The following NKAIN3 variants were observed in gnomAD, a reference collection of about 807,000 sequenced individuals.
NKAIN3 encodes the protein sodium/potassium transporting ATPase interacting 3, also known as sodium/potassium-transporting ATPase subunit beta-1-interacting protein 3.
Under a neutral mutation model 30.2 loss-of-function variants are expected in NKAIN3, and 25 were observed. The ratio of observed to expected loss-of-function variants is 0.83; its 90% CI spans 0.60 to 1.16. The LOEUF (loss-of-function observed/expected upper bound fraction) is 1.16. Ranked by LOEUF, NKAIN3 falls within the 50% of genes most tolerant of loss-of-function variation. The pLI, the probability that NKAIN3 is intolerant of heterozygous loss-of-function variation, is 0.00. For missense variants in NKAIN3, 225 were observed against 254.1 expected (o/e 0.89, Z 0.78); for synonymous variants, 91 against 89.6 (o/e 1.02, Z -0.09).
chr8:62,941,022 A>C (rs1822941573), intron 5 of NKAIN3, among the ~76,000 whole-genome samples: 1 of 152,092 alleles, frequency 6.6e-6, no homozygotes, highest in African/African-American at 2.4e-5. Flanking sequence ...AATATTAACC[A>C]AGAAAAGAGA....
chr8:62,614,692 T>C (rs1811395318), intron 3 of NKAIN3, among the ~76,000 whole-genome samples: 1 of 152,180 alleles, frequency 6.6e-6, no homozygotes, highest in Admixed American at 6.5e-5. Context: ...TATTGTATTG[T>C]GGCTGAGCTG....
At chr8:62,509,875 G>T (rs1425282995) in intron 1 of NKAIN3, among the ~76,000 whole-genome samples, 3 of 152,084 alleles carry the variant, frequency 2.0e-5, no homozygotes, top group Non-Finnish European at 4.4e-5. Context: ...TCTATTAGGT[G>T]CAGGGAAATA....
chr8:62,343,370 T>C (rs908198896), intron 1 of NKAIN3, among the ~76,000 whole-genome samples: 2 of 152,066 alleles, frequency 1.3e-5, no homozygotes, highest in Admixed American at 6.6e-5. Context: ...ATTATTATTT[T>C]TACAAATGTA....
At chr8:62,449,656 A>G (rs1563403849) in intron 1 of NKAIN3, among the ~76,000 whole-genome samples, 3 of 152,220 alleles carry the variant, frequency 2.0e-5, no homozygotes, top group Admixed American at 6.5e-5. Context: ...TTCAGAACGT[A>G]TAAGTTTAAG....
rs567752041 is a variant in NKAIN3 at position 62,626,136 on chromosome 8, G to T, written c.273+36342G>T. Among the ~76,000 whole-genome samples, 3 of 152,148 alleles carry T rather than the reference G, an allele frequency of 2.0e-5. No homozygotes were observed. In the East Asian group the frequency reaches 5.8e-4, roughly 29 times the overall value. ...AGCACTCTCTCCTCACTGGGGTGAA[G>T]AGACCACCTGGAGATTCTTCTCATC... On this transcript the variant is annotated intron_variant, in intron 3 of 6. Coordinates refer to ENST00000623646, the MANE Select transcript of NKAIN3 (RefSeq NM_001304533.3).
At chr8:62,905,563 A>G (rs56743250) in intron 4 of NKAIN3, among the ~76,000 whole-genome samples, 2,430 of 152,248 alleles carry the variant, frequency 0.016, 63 homozygotes, top group African/African-American at 0.052. Flanking sequence ...CCTTGAAAGA[A>G]CTGTTAATAT....
chr8:62,251,537 A>G (rs569271800), intron 1 of NKAIN3, among the ~76,000 whole-genome samples: 150 of 152,286 alleles, frequency 9.8e-4, no homozygotes, highest in Admixed American at 1.5e-3. Flanking sequence ...AAATTTGAAG[A>G]AAATATTCGA....
At chr8:62,879,305 G>A (rs185302549) in intron 4 of NKAIN3, among the ~76,000 whole-genome samples, 2,025 of 152,262 alleles carry the variant, frequency 0.013, 52 homozygotes, top group African/African-American at 0.047. Context: ...CTGCATAAAT[G>A]TCTTCTTTTG....
At chr8:62,365,275 T>C (rs570843980) in intron 1 of NKAIN3, among the ~76,000 whole-genome samples, 1 of 152,328 alleles carries the variant, frequency 6.6e-6, no homozygotes, top group East Asian at 1.9e-4. Flanking sequence ...CATTCTCTCC[T>C]GTCTTCCACA....
chr8:62,278,713 CT>C (rs1178247740), intron 1 of NKAIN3, among the ~76,000 whole-genome samples: 1 of 152,010 alleles, frequency 6.6e-6, no homozygotes, highest in Non-Finnish European at 1.5e-5. Flanking sequence ...TGAACTCATC[CT>C]TTTTTATGGG....
chr8:62,875,712 C>T (rs1160922451), intron 4 of NKAIN3, among the ~76,000 whole-genome samples: 2 of 152,134 alleles, frequency 1.3e-5, no homozygotes, highest in Non-Finnish European at 2.9e-5. Flanking sequence ...TTGACAAAAA[C>T]AAGCAATGGG....
intron 4 of NKAIN3, among the ~76,000 whole-genome samples, chr8:62,807,035 T>C (rs1818315122): frequency 6.6e-6 from 1 of 152,118 alleles, no homozygotes. Flanking sequence ...CATATATTAT[T>C]CTTTCACTAC....
intron 1 of NKAIN3, among the ~76,000 whole-genome samples, chr8:62,440,875 T>A (rs141857791): frequency 1.4e-3 from 213 of 152,262 alleles, no homozygotes; most frequent in African/African-American, 4.8e-3. Flanking sequence ...GAATGTCTGC[T>A]CAAAGCTGCT....
chr8:62,601,032 G>C (rs1234735052), intron 3 of NKAIN3, among the ~76,000 whole-genome samples: 2 of 152,046 alleles, frequency 1.3e-5, no homozygotes, highest in East Asian at 1.9e-4. Flanking sequence ...CGTCAATTCA[G>C]AGTTCAGTAC....
At chr8:62,606,103 C>G (rs970068380) in intron 3 of NKAIN3, among the ~76,000 whole-genome samples, 1 of 152,020 alleles carries the variant, frequency 6.6e-6, no homozygotes, top group African/African-American at 2.4e-5. Context: ...AAATGTGCGT[C>G]GATCCACCAT....
chr8:62,256,735 T>A (rs2625413), intron 1 of NKAIN3, among the ~76,000 whole-genome samples: 3 of 151,936 alleles, frequency 2.0e-5, no homozygotes, highest in African/African-American at 7.3e-5. Flanking sequence ...GGTGAAGTGC[T>A]CCCTCACAGC....
At chr8:62,411,466 A>G (rs1407219240) in intron 1 of NKAIN3, among the ~76,000 whole-genome samples, 1 of 152,200 alleles carries the variant, frequency 6.6e-6, no homozygotes, top group African/African-American at 2.4e-5. Flanking sequence ...AAAAGCTGGA[A>G]CCATTCATTC....
chr8:62,249,037 C>G lies in NKAIN3; in HGVS notation c.-37C>G. On this transcript the variant is annotated 5_prime_UTR_variant, in exon 1 of 7. The change creates a new upstream start codon in the 5' untranslated region. Transcript: ENST00000623646. ...GGCAGCAGCGGCGGAGGACGAGGAT[C>G]TCTGGCAGTCAGCGCCGCTCGGACG... 6.6e-7 allele frequency: 1 copy of G among 1,523,428 alleles called. No individual in the cohort carries two copies. Among genetic ancestry groups the G allele is most frequent in the South Asian group, 1.2e-5 (1 of 83,090 alleles). 94.4% of individuals were successfully genotyped at this position (1,523,428 alleles called of 1,614,324 possible). A position where few individuals can be genotyped will look rare whatever the true frequency, so the allele number is the denominator to read the frequency against.
At chr8:62,269,916 T>C (rs1252700105) in intron 1 of NKAIN3, among the ~76,000 whole-genome samples, 1 of 152,222 alleles carries the variant, frequency 6.6e-6, no homozygotes, top group Non-Finnish European at 1.5e-5. Context: ...CTATCTATTC[T>C]CTAAAAATTT....
Sources: allele counts gnomAD v4.1 joint callset (sites outside exome capture counted in the v4.1 genomes callset), GRCh38; gene constraint gnomAD v4.1.1; transcripts MANE v1.5; gene names NCBI Gene and HGNC (gene_info 2026-07-23, HGNC 2026-07-21).